DCBLD2: variants seen among roughly 807,000 people sequenced by gnomAD.
The protein encoded by DCBLD2 is discoidin, CUB and LCCL domain-containing protein 2.
A neutral mutation model predicts 86.8 loss-of-function variants in DCBLD2; 54 were observed. That is an observed-to-expected ratio of 0.62 (90% confidence interval 0.50 to 0.78). DCBLD2 has a LOEUF of 0.78. Ranked by LOEUF, DCBLD2 falls within the 30% of genes least tolerant of loss-of-function variation. The pLI is 0.00. For missense variants in DCBLD2, 908 were observed against 954.2 expected, an observed-to-expected ratio of 0.95 and a Z score of 0.64; for synonymous variants, 354 against 341.3, an observed-to-expected ratio of 1.04 and a Z score of -0.41.
intron 2 of DCBLD2, among the ~76,000 whole-genome samples, chr3:98,879,609 G>A (rs533693523): frequency 1.9e-4 from 29 of 151,988 alleles, no homozygotes; most frequent in Non-Finnish European, 3.1e-4. Context: ...GGATGGTCTC[G>A]ATCACCTGAC....
At chr3:98,900,858 T>C (rs1943834594) in intron 1 of DCBLD2, 3 of 552,424 alleles carry the variant, frequency 5.4e-6, no homozygotes, top group South Asian at 4.1e-5. Flanking sequence ...GGACCTAATA[T>C]CAACGAGGCT....
At chr3:98,846,919 C>T (rs1942736366) in intron 3 of DCBLD2, among the ~76,000 whole-genome samples, 1 of 151,990 alleles carries the variant, frequency 6.6e-6, no homozygotes, top group Non-Finnish European at 1.5e-5. Flanking sequence ...AAACCTTCAA[C>T]TTGATAAATA....
chr3:98,862,810 C>T (rs1278043241), intron 2 of DCBLD2, among the ~76,000 whole-genome samples: 1 of 152,118 alleles, frequency 6.6e-6, no homozygotes, highest in Non-Finnish European at 1.5e-5. Flanking sequence ...AAAACTGGTG[C>T]AAAACAGGGA....
In DCBLD2 at chr3:98,884,078, T is replaced by TAG. The variant is rs201065486; in HGVS notation, c.206-2312_206-2311insCT. On this transcript the variant is annotated intron_variant, in intron 1 of 15. Coordinates refer to ENST00000326840, the MANE Select transcript of DCBLD2 (RefSeq NM_080927.4). ...TGGAACAACTTTGTACCTAAATTCT[T>TAG]ATGATAATACTTAAAAATCGTATCC... Among the ~76,000 whole-genome samples, 962 of 152,216 alleles carry TAG rather than the reference T, an allele frequency of 6.3e-3. 10 individuals are homozygous for TAG. Among genetic ancestry groups the TAG allele is most frequent in the African/African-American group, 0.022 (907 of 41,568 alleles).
chr3:98,834,177 T>C (rs952663419), intron 3 of DCBLD2, among the ~76,000 whole-genome samples: 1 of 150,930 alleles, frequency 6.6e-6, no homozygotes, highest in Non-Finnish European at 1.5e-5. Flanking sequence ...AATTTTTTTA[T>C]TGATACATAA....
intron 2 of DCBLD2, among the ~76,000 whole-genome samples, chr3:98,871,377 T>C (rs1943279803): frequency 6.6e-6 from 1 of 152,208 alleles, no homozygotes. Context: ...TTAGGAAGAA[T>C]GCTTTCAGTT....
At chr3:98,847,031 A>T (rs1200989235) in intron 3 of DCBLD2, among the ~76,000 whole-genome samples, 3 of 152,166 alleles carry the variant, frequency 2.0e-5, no homozygotes, top group Non-Finnish European at 4.4e-5. Context: ...CTATCCTCTC[A>T]CCTATCAACC....
chr3:98,847,129 T>C (rs955555464), intron 3 of DCBLD2, among the ~76,000 whole-genome samples: 3 of 151,952 alleles, frequency 2.0e-5, no homozygotes, highest in African/African-American at 7.3e-5. Context: ...GTGGTAGGGG[T>C]GGGGAACACG....
rs745812407 is a variant in DCBLD2 at position 98,901,298 on chromosome 3, C to A, written c.29G>T (p.Arg10Met). Residue 10 changes from arginine (R) to methionine (M), a missense_variant, in exon 1 of 16, where the codon AGG (arginine) becomes ATG (methionine). Coordinates refer to ENST00000326840, the MANE Select transcript of DCBLD2 (RefSeq NM_080927.4). MASRAVVRA[R>M]RCPQCPQVRA... ...GACTTGGGGACACTGCGGGCAGCGC[C>A]TGGCTCTCACCACCGCCCGGCTCGC... 1 of 1,498,120 alleles carries A rather than the reference C, an allele frequency of 6.7e-7. No homozygotes were observed. The highest frequency in any genetic ancestry group is 8.8e-7 in the Non-Finnish European group (1 of 1,131,070). 92.8% of individuals were successfully genotyped at this position (1,498,120 alleles called of 1,614,324 possible).
intron 12 of DCBLD2, among the ~76,000 whole-genome samples, chr3:98,809,571 T>C (rs1383359873): frequency 6.6e-6 from 1 of 152,086 alleles, no homozygotes; most frequent in East Asian, 1.9e-4. Flanking sequence ...GGAAGGAAAC[T>C]CCCTACTTTC....
chr3:98,840,214 T>G (rs942071734), intron 3 of DCBLD2, among the ~76,000 whole-genome samples: 1 of 152,262 alleles, frequency 6.6e-6, no homozygotes, highest in South Asian at 2.1e-4. Flanking sequence ...GAGGTAAAAG[T>G]TGGAACCTGA....
chr3:98,823,889 C>T (rs780226315), intron 4 of DCBLD2, among the ~76,000 whole-genome samples: 4 of 152,022 alleles, frequency 2.6e-5, no homozygotes, highest in South Asian at 2.1e-4. Flanking sequence ...GACTCTGTAC[C>T]GCCCCCAGTC....
At chr3:98,850,895 T>TA (rs1174351709) in intron 2 of DCBLD2, among the ~76,000 whole-genome samples, 1 of 152,168 alleles carries the variant, frequency 6.6e-6, no homozygotes, top group Non-Finnish European at 1.5e-5. Flanking sequence ...TCAAAAAAGT[T>TA]AAAAAACTTA....
Position 98,901,221 on chromosome 3 carries a change from G to C in DCBLD2, c.106C>G (p.Leu36Val). 1 of 1,535,550 alleles carries C rather than the reference G, an allele frequency of 6.5e-7. No individual in the cohort carries two copies. The highest frequency in any genetic ancestry group is 8.7e-7 in the Non-Finnish European group (1 of 1,146,512). The change falls in exon 1 of 16, where the codon CTC (leucine) becomes GTC (valine). Residue 36 changes from leucine to valine, a missense_variant. By Grantham distance (32) the Leu-to-Val change is conservative (BLOSUM62 1). Coordinates refer to ENST00000326840, the MANE Select transcript of DCBLD2 (RefSeq NM_080927.4). ...AWAALPLSRSLPPCSNSSSFS... is the reference protein window; with the variant it reads ...AWAALPLSRSVPPCSNSSSFS... ...GAGGAGGAGTTGGAGCAGGGAGGGAGGGAGCGGGAGAGGGGGAGCGCGGCC... is the reference window on the plus strand; with the variant it reads ...GAGGAGGAGTTGGAGCAGGGAGGGACGGAGCGGGAGAGGGGGAGCGCGGCC...
chr3:98,843,139 A>G (rs1942652223), intron 3 of DCBLD2, among the ~76,000 whole-genome samples: 1 of 152,136 alleles, frequency 6.6e-6, no homozygotes, highest in Non-Finnish European at 1.5e-5. Flanking sequence ...TTTGTTCGTC[A>G]GCACCTTTGT....
chr3:98,874,248 G>C (rs966100057), intron 2 of DCBLD2, among the ~76,000 whole-genome samples: 1 of 152,060 alleles, frequency 6.6e-6, no homozygotes, highest in Non-Finnish European at 1.5e-5. Context: ...TGTATGTATA[G>C]TATCAATACC....
chr3:98,838,022 C>T (rs1161091623), intron 3 of DCBLD2, among the ~76,000 whole-genome samples: 21 of 109,836 alleles, frequency 1.9e-4, no homozygotes, highest in African/African-American at 4.6e-4. Context: ...ACCTCCCGGA[C>T]GGGGCGGCTG....
chr3:98,883,376 C>T (rs914527344), intron 1 of DCBLD2, among the ~76,000 whole-genome samples: 5 of 152,026 alleles, frequency 3.3e-5, no homozygotes, highest in Admixed American at 1.3e-4. Flanking sequence ...TAGTTCCTCC[C>T]GCACACCTTA....
intron 3 of DCBLD2, among the ~76,000 whole-genome samples, chr3:98,836,819 G>A (rs1298294933): frequency 1.5e-5 from 1 of 65,638 alleles, no homozygotes; most frequent in African/African-American, 5.5e-5. Context: ...GGCCGGGCAG[G>A]GGGCCGACCC....
Sources: gnomAD v4.1 joint callset for allele counts (sites outside exome capture counted in the v4.1 genomes callset) on GRCh38, gnomAD v4.1.1 for gene constraint, MANE v1.5 for transcripts, NCBI Gene and HGNC (gene_info 2026-07-23, HGNC 2026-07-21) for gene names.